Variants in ENTPD1 observed in about 807,000 individuals in gnomAD.
ENTPD1 encodes the protein ectonucleoside triphosphate diphosphohydrolase 1.
A neutral mutation model predicts 57.0 loss-of-function variants in ENTPD1; 33 were observed. That is an observed-to-expected ratio of 0.58 (90% CI 0.44 to 0.77). ENTPD1 has a LOEUF of 0.77. Among genes scored for constraint, ENTPD1 ranks in the 30% least tolerant of loss-of-function variants. The pLI, the probability that ENTPD1 is intolerant of heterozygous loss-of-function variation, is 0.00. For synonymous variants in ENTPD1, 202 were observed against 218.8 expected (o/e 0.92, Z 0.68); for missense variants, 501 against 603.4 (o/e 0.83, Z 1.78).
At chr10:95,751,494 C>T (rs1177636358), upstream of ENTPD1, among the ~76,000 whole-genome samples, 1 of 152,008 alleles carries the variant, frequency 6.6e-6, no homozygotes, top group Non-Finnish European at 1.5e-5. Context: ...CCGAGGCAGC[C>T]TATCACCTGA....
At chr10:95,862,063 A>G (rs573184676) in intron 8 of ENTPD1, among the ~76,000 whole-genome samples, 8 of 152,210 alleles carry the variant, frequency 5.3e-5, no homozygotes, top group East Asian at 1.9e-4. Context: ...GTTTTACTTC[A>G]TAAGACTATG....
Position 95,871,007 on chromosome 10 carries a change from C to A in ENTPD1, c.*4624C>A. 1 of 985,368 alleles carries A rather than the reference C, an allele frequency of 1.0e-6. No homozygotes were observed. Among genetic ancestry groups the A allele is most frequent in the Non-Finnish European group, 1.2e-6 (1 of 829,918 alleles). The allele number at this position is 985,368 out of a possible 1,614,324, so 61.0% of individuals were successfully genotyped here. ...TAGGGATATGTTCTCATGATGAACC[C>A]CGCAGAGGCTCGTGAAAGTGAGAGG... is the stretch of plus-strand genomic sequence containing the variant. On this transcript the variant is annotated 3_prime_UTR_variant, in exon 10 of 10. Coordinates refer to ENST00000371205, the MANE Select transcript of ENTPD1 (RefSeq NM_001776.6).
chr10:95,726,007 A>G (rs140364215), intron 1 of ENTPD1, among the ~76,000 whole-genome samples: 68 of 152,330 alleles, frequency 4.5e-4, no homozygotes, highest in African/African-American at 1.5e-3. Flanking sequence ...CTGAACTACT[A>G]TCTTGCCAAG....
intron 1 of ENTPD1, among the ~76,000 whole-genome samples, chr10:95,803,098 T>G (rs960262009): frequency 6.6e-5 from 10 of 152,346 alleles, no homozygotes; most frequent in Admixed American, 2.0e-4. Flanking sequence ...GTGAAGAATC[T>G]CAATGGTAGC....
intron 1 of ENTPD1, among the ~76,000 whole-genome samples, chr10:95,719,074 A>C (rs945302652): frequency 1.3e-5 from 2 of 152,164 alleles, no homozygotes; most frequent in Admixed American, 6.5e-5. Context: ...CCACACGGTA[A>C]GATCTCTTCC....
At position 95,872,950 on chromosome 10, in the gene ENTPD1, AT is replaced by A; in HGVS notation, c.*6569del. On this transcript the variant is annotated 3_prime_UTR_variant, in exon 10 of 10. Transcript: ENST00000371205. ...TGCCATGCAGCACTTCATTGTACAC[AT>A]TATTAAAACAGAATTTTAAGGATTA... The A allele has an allele frequency of 3.0e-6, 3 of 985,448 alleles. No individual in the cohort carries two copies. Among genetic ancestry groups the A allele is most frequent in the Non-Finnish European group, 3.6e-6 (3 of 829,922 alleles). 61.0% of individuals were successfully genotyped at this position (985,448 alleles called of 1,614,324 possible).
At chr10:95,851,428 G>T (rs1369284337) in intron 7 of ENTPD1, among the ~76,000 whole-genome samples, 1 of 151,352 alleles carries the variant, frequency 6.6e-6, no homozygotes, top group Non-Finnish European at 1.5e-5. Context: ...TAGGTTGGAT[G>T]ATCTTTTTTT....
chr10:95,775,304 T>C lies in ENTPD1; in HGVS notation c.16+19049T>C, dbSNP rs184170232. 1.1e-3 allele frequency among the ~76,000 whole-genome samples: 169 copies of C among 152,338 alleles called. 3 individuals carry two copies. The highest frequency in any genetic ancestry group is 3.8e-3 in the African/African-American group (156 of 41,584). Reference sequence around the variant, plus strand: ...ACAATTTGACTTCCTCTTTTCCTAATTGAATACCCTTTATTTCTTTCTCTT... The same window carrying C: ...ACAATTTGACTTCCTCTTTTCCTAACTGAATACCCTTTATTTCTTTCTCTT... On this transcript the variant is annotated intron_variant, in intron 1 of 9. Coordinates refer to ENST00000371205, the MANE Select transcript of ENTPD1 (RefSeq NM_001776.6).
At chr10:95,698,265 C>T in the ENTPD1 span, among the ~76,000 whole-genome samples, 18 of 152,264 alleles carry the variant, frequency 1.2e-4, no homozygotes, top group African/African-American at 4.1e-4. Context: ...GGGTATCTAG[C>T]AAAAGAAATT....
intron 1 of ENTPD1, among the ~76,000 whole-genome samples, chr10:95,727,981 A>C (rs2097985449): frequency 6.6e-6 from 1 of 152,214 alleles, no homozygotes; most frequent in Non-Finnish European, 1.5e-5. Flanking sequence ...TCCCATCCAA[A>C]ATATTTTTTA....
chr10:95,703,188 GAAGAT>G, the ENTPD1 span, among the ~76,000 whole-genome samples: 1 of 152,276 alleles, frequency 6.6e-6, no homozygotes, highest in Non-Finnish European at 1.5e-5. Flanking sequence ...CCTCAAAAAT[GAAGAT>G]AAGATAAAAA....
intron 1 of ENTPD1, among the ~76,000 whole-genome samples, chr10:95,736,977 G>A (rs1249582365): frequency 6.6e-6 from 1 of 152,212 alleles, no homozygotes; most frequent in African/African-American, 2.4e-5. Flanking sequence ...AATTTTGTCT[G>A]TGTGTGTGCA....
intron 1 of ENTPD1, among the ~76,000 whole-genome samples, chr10:95,742,535 TTTTTTC>T (rs1334616403): frequency 1.0e-5 from 1 of 95,922 alleles, no homozygotes; most frequent in Non-Finnish European, 2.3e-5. Context: ...CTTCTTTTTC[TTTTTTC>T]TTTTTTTTTT....
chr10:95,778,424 G>A (rs1055706962), intron 1 of ENTPD1, among the ~76,000 whole-genome samples: 4 of 152,118 alleles, frequency 2.6e-5, no homozygotes, highest in Admixed American at 6.5e-5. Flanking sequence ...CAACTTCACT[G>A]GTAGGCAAAC....
chr10:95,738,599 T>G (rs975693975), intron 1 of ENTPD1, among the ~76,000 whole-genome samples: 8 of 152,118 alleles, frequency 5.3e-5, no homozygotes, highest in African/African-American at 1.9e-4. Flanking sequence ...GTTGGTGAGA[T>G]GGAGAAGACC....
chr10:95,866,612 C>A lies in ENTPD1; in HGVS notation c.*229C>A. ...CTTTCATGAGTTTTTCCCAGCTACA[C>A]CTTTCTCCTTTGTACTTTGTGCTTG... is the stretch of plus-strand genomic sequence containing the variant. On this transcript the variant is annotated 3_prime_UTR_variant, in exon 10 of 10. Coordinates refer to ENST00000371205, the MANE Select transcript of ENTPD1 (RefSeq NM_001776.6). 2.2e-6 allele frequency: 3 copies of A among 1,381,998 alleles called. No homozygotes were observed. The highest frequency in any genetic ancestry group is 2.8e-6 in the Non-Finnish European group (3 of 1,067,570). The allele number at this position is 1,381,998 out of a possible 1,614,324, so 85.6% of individuals were successfully genotyped here. A position where few individuals can be genotyped will look rare whatever the true frequency, so the allele number is the denominator to read the frequency against.
At chr10:95,709,397 T>C (rs1490392446), upstream of ENTPD1, among the ~76,000 whole-genome samples, 2 of 152,224 alleles carry the variant, frequency 1.3e-5, no homozygotes. Context: ...TTCTTTGTTT[T>C]TTTGAGACGA....
chr10:95,834,453 G>A (rs1436268104), intron 2 of ENTPD1, among the ~76,000 whole-genome samples: 3 of 152,136 alleles, frequency 2.0e-5, no homozygotes, highest in African/African-American at 7.2e-5. Flanking sequence ...GGCTTTCTCG[G>A]TAAAGGCCCT....
chr10:95,768,000 C>G (rs1280922876), intron 1 of ENTPD1, among the ~76,000 whole-genome samples: 5 of 152,190 alleles, frequency 3.3e-5, no homozygotes, highest in Non-Finnish European at 5.9e-5. Context: ...CTCTCTTGCC[C>G]TTTGCTTTCT....
Sources: gnomAD v4.1 joint callset for allele counts (sites outside exome capture counted in the v4.1 genomes callset) on GRCh38, gnomAD v4.1.1 for gene constraint, MANE v1.5 for transcripts, NCBI Gene and HGNC (gene_info 2026-07-23, HGNC 2026-07-21) for gene names.